Variants in ACACB observed in about 807,000 individuals in gnomAD.
The protein encoded by ACACB is acetyl-CoA carboxylase beta.
ACACB carries 209 observed loss-of-function variants against 278.8 expected under a neutral mutation model. The observed-to-expected ratio is 0.75, with a 90% CI of 0.67 to 0.84. The LOEUF is 0.84. Ranked by LOEUF, ACACB falls within the 40% of genes least tolerant of loss-of-function variation. The pLI is 0.00. For synonymous variants in ACACB, 1,174 were observed against 1,285.6 expected (o/e 0.91, Z 1.86); for missense variants, 2,850 against 3,269.0 (o/e 0.87, Z 3.13).
intron 18 of ACACB, among the ~76,000 whole-genome samples, chr12:109,200,367 G>A (rs2045295100): frequency 6.6e-6 from 1 of 151,920 alleles, no homozygotes; most frequent in African/African-American, 2.4e-5. Context: ...TGTATTTTTG[G>A]TAGTGACAGG....
intron 2 of ACACB, among the ~76,000 whole-genome samples, chr12:109,162,796 A>G (rs1447352373): frequency 1.3e-5 from 2 of 152,306 alleles, no homozygotes; most frequent in East Asian, 3.9e-4. Context: ...GGGATCCCCA[A>G]CGCACTCCTA....
intron 12 of ACACB, among the ~76,000 whole-genome samples, chr12:109,187,708 C>T (rs2044711900): frequency 6.6e-6 from 1 of 151,994 alleles, no homozygotes; most frequent in Admixed American, 6.6e-5. Flanking sequence ...GATCCTCCTA[C>T]CTCTGCCTCC....
intron 1 of ACACB, among the ~76,000 whole-genome samples, chr12:109,133,073 G>A (rs1051055447): frequency 6.6e-6 from 1 of 152,078 alleles, no homozygotes; most frequent in Non-Finnish European, 1.5e-5. Context: ...CCATCCATTT[G>A]TCCAGCCAGC....
At chr12:109,209,921 ATATGTGTATACACACATACACACACGTG>A (rs1565925176) in intron 21 of ACACB, among the ~76,000 whole-genome samples, 1 of 117,598 alleles carries the variant, frequency 8.5e-6, no homozygotes, top group African/African-American at 3.5e-5. Flanking sequence ...ACGTGTGTAT[ATATGTGTATACACACATACACACACGTG>A]TGTGTATATA....
At position 109,188,147 on chromosome 12, in the gene ACACB, G is replaced by T. The variant is rs1225546821; in HGVS notation, c.2129G>T (p.Arg710Leu). The T allele has an allele frequency of 6.2e-7, 1 of 1,602,118 alleles. No individual in the cohort carries two copies. The highest frequency in any genetic ancestry group is 2.2e-5 in the East Asian group (1 of 44,464). Residue 710 changes from arginine (R) to leucine (L), a missense_variant, in exon 13 of 53, where the codon CGG becomes CTG. Transcript: ENST00000338432. Reference protein sequence around the residue: ...FGHCFSWGENREEAISNMVVA... With the variant: ...FGHCFSWGENLEEAISNMVVA... ...CACTGCTTCTCCTGGGGAGAGAACC[G>T]GGAAGAGGCCATTTCGTCAGTATCT...
rs377728476 is a variant in ACACB at position 109,196,991 on chromosome 12, G to C, written c.2482-17G>C. On this transcript the variant is annotated splice_polypyrimidine_tract_variant and intron_variant, in intron 16 of 52. Coordinates refer to ENST00000338432, the MANE Select transcript of ACACB (RefSeq NM_001093.4). Reference sequence around the variant, plus strand: ...ACATCCTGAACCCAGGCGGTGACAAGGGGCTTGTCCCCACAGGTGGCCCGG... The same window carrying C: ...ACATCCTGAACCCAGGCGGTGACAACGGGCTTGTCCCCACAGGTGGCCCGG... 7 of 1,532,322 alleles carry C rather than the reference G, an allele frequency of 4.6e-6. No homozygotes were observed. The African/African-American group carries it at 7.2e-5, about 16-fold the overall frequency. The allele number at this position is 1,532,322 out of a possible 1,614,324, so 94.9% of individuals were successfully genotyped here.
chr12:109,240,337 T>C (rs1003583972), intron 35 of ACACB, among the ~76,000 whole-genome samples: 1 of 152,014 alleles, frequency 6.6e-6, no homozygotes, highest in African/African-American at 2.4e-5. Flanking sequence ...CCCTGTCAGG[T>C]GGCTCTTCAC....
At chr12:109,211,103 C>T (rs2045832935) in intron 21 of ACACB, among the ~76,000 whole-genome samples, 1 of 152,070 alleles carries the variant, frequency 6.6e-6, no homozygotes, top group East Asian at 1.9e-4. Flanking sequence ...GCCTGTTTGC[C>T]TTCCTGCCCT....
At chr12:109,188,606 T>C (rs1593504683) in intron 13 of ACACB, among the ~76,000 whole-genome samples, 1 of 152,058 alleles carries the variant, frequency 6.6e-6, no homozygotes. Flanking sequence ...CCCCTGGGGC[T>C]TCAGATACAG....
intron 1 of ACACB, among the ~76,000 whole-genome samples, chr12:109,138,862 A>C (rs1190915996): frequency 6.6e-6 from 1 of 152,236 alleles, no homozygotes; most frequent in Non-Finnish European, 1.5e-5. Context: ...CAAAACAAAA[A>C]AACAAAAAAA....
rs1423303041 is a variant in ACACB at position 109,209,234 on chromosome 12, G to A, written c.3130G>A (p.Glu1044Lys). The A allele has an allele frequency of 6.2e-7, 1 of 1,611,294 alleles. No homozygotes were observed. The highest frequency in any genetic ancestry group is 8.5e-7 in the Non-Finnish European group (1 of 1,179,458). Residue 1044 changes from glutamate to lysine, a missense_variant, in exon 21 of 53, where the codon GAG becomes AAG. Physicochemically the swap from Glu to Lys is moderately conservative, Grantham distance 56 (BLOSUM62 1). This residue lies in a region of ACACB where 2,265 missense variants were observed against 2,561.3 expected (regional missense o/e 0.88). Coordinates refer to ENST00000338432, the MANE Select transcript of ACACB (RefSeq NM_001093.4). ...HPSLPLLELQ[E>K]IMTSVAGRIP... ...GTCACTGCCGCTGCTGGAGCTGCAG[G>A]AGATCATGACCAGCGTGGCAGGCCG... is the stretch of plus-strand genomic sequence containing the variant.
intron 17 of ACACB, among the ~76,000 whole-genome samples, chr12:109,197,640 G>C (rs1159001375): frequency 6.6e-6 from 1 of 152,108 alleles, no homozygotes; most frequent in Non-Finnish European, 1.5e-5. Flanking sequence ...TCGTGTACCT[G>C]ACGGGTAACA....
At chr12:109,132,761 C>T (rs143696980) in intron 1 of ACACB, among the ~76,000 whole-genome samples, 10 of 152,160 alleles carry the variant, frequency 6.6e-5, no homozygotes, top group East Asian at 3.9e-4. Context: ...GTCATTATTC[C>T]GCAAAGAAAA....
intron 16 of ACACB, among the ~76,000 whole-genome samples, chr12:109,194,511 C>T (rs11065799): frequency 1.3e-3 from 71 of 54,312 alleles, no homozygotes; most frequent in Non-Finnish European, 1.4e-3. Flanking sequence ...TCTGTGTGTG[C>T]ATGTGTGTGT....
At chr12:109,196,727 C>G (rs1392873310) in intron 16 of ACACB, among the ~76,000 whole-genome samples, 1 of 152,200 alleles carries the variant, frequency 6.6e-6, no homozygotes, top group African/African-American at 2.4e-5. Flanking sequence ...GAGTCTCTAG[C>G]CCCAGAGGAC....
At chr12:109,169,833 C>T (rs1024357173) in intron 4 of ACACB, among the ~76,000 whole-genome samples, 3 of 152,164 alleles carry the variant, frequency 2.0e-5, no homozygotes, top group Admixed American at 6.5e-5. Context: ...CCTGTCTGGC[C>T]GCTCACTTCA....
rs937177652 is a variant in ACACB, at chr12:109,261,596, C to A, written c.6675-761C>A. Among the ~76,000 whole-genome samples, 17 of 152,112 alleles carry A rather than the reference C, an allele frequency of 1.1e-4. No homozygotes were observed. The South Asian group carries it at 1.9e-3, about 17-fold the overall frequency. The stretch of plus-strand genomic sequence containing the variant: ...TAAAAATGTTGGAAATGAGGCCAGG[C>A]GTGGTGGCTCACGCCTGTAATCCCA... On this transcript the variant is annotated intron_variant, in intron 48 of 52. Transcript: ENST00000338432.
chr12:109,189,538 G>C (rs2044787322), intron 13 of ACACB, among the ~76,000 whole-genome samples: 1 of 152,112 alleles, frequency 6.6e-6, no homozygotes, highest in Non-Finnish European at 1.5e-5. Flanking sequence ...GTCCAGTAGG[G>C]GGATCAACTG....
In ACACB at chr12:109,197,089, G is replaced by A; in HGVS notation, c.2563G>A (p.Gly855Arg). The part of the protein sequence containing the change: ...IEIDAHRLND[G>R]GLLLSYNGNS... ...GATTGATGCCCACCGGCTGAATGATGGGGGGCTCCTGCTCTCCTACAATGG... is the reference window on the plus strand; with the variant it reads ...GATTGATGCCCACCGGCTGAATGATAGGGGGCTCCTGCTCTCCTACAATGG... Residue 855 changes from glycine to arginine, a missense_variant, in exon 17 of 53, where the codon GGG becomes AGG. Physicochemically the swap from Gly to Arg is moderately radical, Grantham distance 125. Transcript: ENST00000338432. 6.2e-7 allele frequency: 1 copy of A among 1,601,606 alleles called. No homozygotes were observed. Among genetic ancestry groups the A allele is most frequent in the Non-Finnish European group, 8.5e-7 (1 of 1,175,180 alleles).
Sources: gnomAD v4.1 joint callset for allele counts (sites outside exome capture counted in the v4.1 genomes callset) on GRCh38, gnomAD v4.1.1 for gene constraint, gnomAD v4.1.1 regional missense constraint, MANE v1.5 for transcripts, NCBI Gene and HGNC (gene_info 2026-07-23, HGNC 2026-07-21) for gene names.